The following UBE2E2 variants were observed in gnomAD, a reference collection of about 807,000 sequenced individuals.
UBE2E2 encodes the protein ubiquitin-conjugating enzyme E2 E2.
UBE2E2 carries 6 observed loss-of-function variants against 24.7 expected under a neutral mutation model. The observed-to-expected ratio is 0.24, with a 90% CI of 0.13 to 0.48. The LOEUF (loss-of-function observed/expected upper bound fraction) is 0.48, where lower values mean the gene tolerates loss of function less well. UBE2E2 is among the 20% of genes least tolerant of loss of function. The pLI, the probability that UBE2E2 is intolerant of heterozygous loss-of-function variation, is 0.99. For missense variants in UBE2E2, 169 were observed against 245.0 expected, an observed-to-expected ratio of 0.69 and a Z score of 2.07; for synonymous variants, 104 against 83.6, an observed-to-expected ratio of 1.24 and a Z score of -1.33.
rs377578496 is a variant in UBE2E2, at chr3:23,298,749, C to A, written c.227+81437C>A. On this transcript the variant is annotated intron_variant, in intron 3 of 5. Coordinates refer to ENST00000396703, the MANE Select transcript of UBE2E2 (RefSeq NM_152653.4). Reference sequence around the variant, plus strand: ...ATCAAGGATATTGGTCTAAAATTCTCTTTTTTGGTTGTGTCTCTGCCAGGC... The same window carrying A: ...ATCAAGGATATTGGTCTAAAATTCTATTTTTTGGTTGTGTCTCTGCCAGGC... Among the ~76,000 whole-genome samples the A allele has an allele frequency of 1.3e-4, 20 of 151,822 alleles. No homozygotes were observed. The East Asian group carries it at 2.1e-3, about 16-fold the overall frequency.
intron 5 of UBE2E2, among the ~76,000 whole-genome samples, chr3:23,556,933 T>TTA (rs1695803806): frequency 6.6e-6 from 1 of 152,336 alleles, no homozygotes; most frequent in East Asian, 1.9e-4. Flanking sequence ...CAGTAGGTTC[T>TTA]TATAATGAGA....
At chr3:23,231,282 T>C (rs1208527623) in intron 3 of UBE2E2, among the ~76,000 whole-genome samples, 2 of 152,196 alleles carry the variant, frequency 1.3e-5, no homozygotes, top group African/African-American at 4.8e-5. Flanking sequence ...TTAAAGCAGC[T>C]TGTATACTTG....
At chr3:23,452,841 T>C (rs1394649789) in intron 3 of UBE2E2, among the ~76,000 whole-genome samples, 2 of 152,092 alleles carry the variant, frequency 1.3e-5, no homozygotes, top group Non-Finnish European at 1.5e-5. Flanking sequence ...AGAGTTAGGA[T>C]GGACAAGTTC....
At chr3:23,308,098 G>A (rs1699284116) in intron 3 of UBE2E2, among the ~76,000 whole-genome samples, 1 of 152,188 alleles carries the variant, frequency 6.6e-6, no homozygotes, top group South Asian at 2.1e-4. Flanking sequence ...ATGTCCACAA[G>A]TGTTAGAATC....
chr3:23,534,676 G>T (rs1002866417), intron 5 of UBE2E2, among the ~76,000 whole-genome samples: 1 of 151,622 alleles, frequency 6.6e-6, no homozygotes, highest in Non-Finnish European at 1.5e-5. Flanking sequence ...TTTGCTTAAT[G>T]GACTTATTTC....
At chr3:23,330,968 ATATAT>A (rs1222154409) in intron 3 of UBE2E2, among the ~76,000 whole-genome samples, 4 of 152,182 alleles carry the variant, frequency 2.6e-5, no homozygotes, top group Non-Finnish European at 5.9e-5. Flanking sequence ...CATATAATTA[ATATAT>A]TAGTTGACTA....
intron 3 of UBE2E2, among the ~76,000 whole-genome samples, chr3:23,378,350 G>A (rs1327144049): frequency 2.6e-5 from 4 of 151,596 alleles, no homozygotes; most frequent in Admixed American, 2.6e-4. Context: ...AAAATTTAAA[G>A]GTACATATGT....
intron 3 of UBE2E2, among the ~76,000 whole-genome samples, chr3:23,372,606 A>G (rs1696426179): frequency 6.6e-6 from 1 of 152,194 alleles, no homozygotes; most frequent in South Asian, 2.1e-4. Context: ...TGTACAGTGA[A>G]AGACTGTAGT....
At chr3:23,574,806 T>C (rs1278545852) in intron 5 of UBE2E2, among the ~76,000 whole-genome samples, 2 of 152,168 alleles carry the variant, frequency 1.3e-5, no homozygotes, top group African/African-American at 4.8e-5. Flanking sequence ...CTAATACTTT[T>C]GCATTCACTT....
intron 4 of UBE2E2, among the ~76,000 whole-genome samples, chr3:23,524,160 G>A (rs1694934289): frequency 6.6e-6 from 1 of 151,994 alleles, no homozygotes; most frequent in Admixed American, 6.6e-5. Flanking sequence ...CATCTTGGAG[G>A]TGCTTACTTT....
chr3:23,259,179 C>T (rs1697830519), intron 3 of UBE2E2, among the ~76,000 whole-genome samples: 1 of 152,108 alleles, frequency 6.6e-6, no homozygotes, highest in Non-Finnish European at 1.5e-5. Flanking sequence ...GCAGTCTTCC[C>T]ACATCCAGTG....
chr3:23,529,504 T>C (rs971621330), intron 4 of UBE2E2, among the ~76,000 whole-genome samples: 1 of 152,226 alleles, frequency 6.6e-6, no homozygotes, highest in Non-Finnish European at 1.5e-5. Flanking sequence ...AGACAAACCG[T>C]AGGCTTTTGG....
intron 3 of UBE2E2, among the ~76,000 whole-genome samples, chr3:23,480,914 C>T (rs188823640): frequency 6.6e-6 from 1 of 152,246 alleles, no homozygotes; most frequent in East Asian, 1.9e-4. Context: ...GCGAAACTGC[C>T]TTCTTTGATT....
chr3:23,271,201 A>G (rs1698232054), intron 3 of UBE2E2: 3 of 393,480 alleles, frequency 7.6e-6, no homozygotes, highest in East Asian at 7.1e-5. Context: ...GCTGACTTCA[A>G]GAATGAAGCC....
In UBE2E2 at chr3:23,217,995, T is replaced by G. The variant is rs181901240; in HGVS notation, c.227+683T>G. Reference sequence around the variant, plus strand: ...GTGCAGTAGTTAGAAGATGGCTGTTTGGTTATTTTTAAGACACTTATTTCT... The same window carrying G: ...GTGCAGTAGTTAGAAGATGGCTGTTGGGTTATTTTTAAGACACTTATTTCT... On this transcript the variant is annotated intron_variant, in intron 3 of 5. Transcript: ENST00000396703. 3.5e-4 allele frequency among the ~76,000 whole-genome samples: 54 copies of G among 152,232 alleles called. No individual in the cohort carries two copies. The East Asian group carries it at 0.01, about 28-fold the overall frequency.
intron 5 of UBE2E2, among the ~76,000 whole-genome samples, chr3:23,537,153 C>G (rs1695285268): frequency 6.6e-6 from 1 of 152,306 alleles, no homozygotes; most frequent in Non-Finnish European, 1.5e-5. Context: ...CATCTGGGCT[C>G]TGACCCTGGC....
chr3:23,556,334 G>A (rs1290814211), intron 5 of UBE2E2, among the ~76,000 whole-genome samples: 1 of 149,134 alleles, frequency 6.7e-6, no homozygotes, highest in African/African-American at 2.5e-5. Flanking sequence ...TAGTAGAGAC[G>A]GTTTCACCAT....
chr3:23,319,603 A>G (rs1046684644), intron 3 of UBE2E2, among the ~76,000 whole-genome samples: 1 of 152,006 alleles, frequency 6.6e-6, no homozygotes, highest in Admixed American at 6.6e-5. Context: ...ATTTGAGGTC[A>G]GGAGTTCAAG....
At position 23,516,073 on chromosome 3, in the gene UBE2E2, A is replaced by G. The variant is rs77995903; in HGVS notation, c.360+16333A>G. Among the ~76,000 whole-genome samples, 1,295 of 152,332 alleles carry G rather than the reference A, an allele frequency of 8.5e-3. 14 individuals are homozygous for G. Among genetic ancestry groups the G allele is most frequent in the African/African-American group, 0.03 (1,232 of 41,578 alleles). On this transcript the variant is annotated intron_variant, in intron 4 of 5. Transcript: ENST00000396703. ...AAAAAAGATGTTGAAGTACATGTGC[A>G]TGCTTTGAAAGCTAACCTGCAGGTG...
Sources: allele counts gnomAD v4.1 joint callset (sites outside exome capture counted in the v4.1 genomes callset), GRCh38; gene constraint gnomAD v4.1.1; transcripts MANE v1.5; gene names NCBI Gene and HGNC (gene_info 2026-07-23, HGNC 2026-07-21).